The following MARK3 variants were observed in gnomAD, a reference collection of about 807,000 sequenced individuals.
The protein encoded by MARK3 is microtubule affinity regulating kinase 3.
MARK3 carries 46 observed loss-of-function variants against 90.1 expected under a neutral mutation model. That is an observed-to-expected ratio of 0.51 (90% confidence interval 0.40 to 0.65). The LOEUF (loss-of-function observed/expected upper bound fraction) is 0.65. MARK3 is among the 30% of genes least tolerant of loss of function. The probability of loss-of-function intolerance (pLI) is 0.00; values close to 1 mark genes in which losing one functional copy is unlikely to be tolerated. For missense variants in MARK3, 818 were observed against 947.2 expected, an observed-to-expected ratio of 0.86 and a Z score of 1.79; for synonymous variants, 321 against 332.6, an observed-to-expected ratio of 0.97 and a Z score of 0.38.
chr14:103,447,986 T>G (rs980480099), intron 3 of MARK3, among the ~76,000 whole-genome samples: 1 of 152,214 alleles, frequency 6.6e-6, no homozygotes, highest in African/African-American at 2.4e-5. Flanking sequence ...TTGCCCAGGC[T>G]GGTCTCGACC....
intron 3 of MARK3, among the ~76,000 whole-genome samples, chr14:103,443,408 TA>T (rs2092911942): frequency 6.6e-6 from 1 of 152,240 alleles, no homozygotes; most frequent in African/African-American, 2.4e-5. Context: ...CAGTTTCACT[TA>T]TAATATCCAT....
At chr14:103,495,854 T>C (rs572517822) in intron 15 of MARK3, among the ~76,000 whole-genome samples, 2 of 152,362 alleles carry the variant, frequency 1.3e-5, no homozygotes, top group Admixed American at 1.3e-4. Context: ...GTTCTTATCC[T>C]CCTTTAGCAA....
At chr14:103,405,324 A>G (rs1004642954) in intron 2 of MARK3, 57 bp downstream of exon 2, 9 of 1,322,076 alleles carry the variant, frequency 6.8e-6, no homozygotes, top group Non-Finnish European at 9.2e-6. Flanking sequence ...ATTTCCATGT[A>G]AGAGAAAGAA....
chr14:103,422,529 A>G (rs1253125935), intron 2 of MARK3, among the ~76,000 whole-genome samples: 1 of 152,178 alleles, frequency 6.6e-6, no homozygotes, highest in Non-Finnish European at 1.5e-5. Flanking sequence ...ATGAATTATC[A>G]CAAAGTAAAC....
At chr14:103,456,243 C>A (rs1051344237) in intron 5 of MARK3, among the ~76,000 whole-genome samples, 3 of 152,142 alleles carry the variant, frequency 2.0e-5, no homozygotes, top group Non-Finnish European at 4.4e-5. Flanking sequence ...GTACTGATCT[C>A]CCTCTTGGTC....
intron 2 of MARK3, among the ~76,000 whole-genome samples, chr14:103,421,531 C>T (rs7158822): frequency 0.33 from 50,908 of 152,024 alleles, 8,855 homozygotes; most frequent in Middle Eastern, 0.45. Flanking sequence ...AAAGGGGTGA[C>T]GAGTGCCTGG....
chr14:103,480,417 C>T lies in MARK3; in HGVS notation c.1513C>T (p.Arg505Ter), dbSNP rs749410440. Residue 505 changes from arginine (R) to a stop codon, truncating the protein, a stop_gained, in exon 14 of 18, where the codon CGA becomes TGA. Coordinates refer to ENST00000429436, the MANE Select transcript of MARK3 (RefSeq NM_001128918.3). LOFTEE classifies it high-confidence loss of function. ...SNTASGGMTR[R>*]NTYVCSERTT... The stretch of plus-strand genomic sequence containing the variant: ...CACAGCATCTGGTGGAATGACACGA[C>T]GAAATACTTATGTTTGCAGTGAGAG... 12 of 1,612,804 alleles carry T rather than the reference C, an allele frequency of 7.4e-6. No individual in the cohort carries two copies. Among genetic ancestry groups the T allele is most frequent in the African/African-American group, 5.3e-5 (4 of 74,830 alleles).
chr14:103,466,084 C>T lies in MARK3; in HGVS notation c.890C>T (p.Thr297Ile), dbSNP rs1162293605. 2 of 1,613,406 alleles carry T rather than the reference C, an allele frequency of 1.2e-6. No individual in the cohort carries two copies. The highest frequency in any genetic ancestry group is 1.3e-5 in the African/African-American group (1 of 74,864). Reference sequence around the variant, plus strand: ...GTGCTAAATCCAATTAAACGCGGCACTCTAGAGGTAATCATGTAGGTGGAA... The same window carrying T: ...GTGCTAAATCCAATTAAACGCGGCATTCTAGAGGTAATCATGTAGGTGGAA... ...FLVLNPIKRGTLEQIMKDRWI... is the reference protein window; with the variant it reads ...FLVLNPIKRGILEQIMKDRWI... The change falls in exon 9 of 18, where the codon ACT becomes ATT. Residue 297 changes from threonine (T) to isoleucine (I), a missense_variant. Around this residue, in one of 3 missense-constraint regions of MARK3, gnomAD observed 560 missense variants for 613.5 expected, o/e 0.91. Coordinates refer to ENST00000429436, the MANE Select transcript of MARK3 (RefSeq NM_001128918.3).
At chr14:103,438,070 G>A (rs2092758773) in intron 3 of MARK3, among the ~76,000 whole-genome samples, 1 of 151,976 alleles carries the variant, frequency 6.6e-6, no homozygotes, top group South Asian at 2.1e-4. Context: ...GCGTGATCTC[G>A]GCTAACCGCA....
At chr14:103,502,587 C>A (rs370625468) in intron 17 of MARK3, among the ~76,000 whole-genome samples, 71 of 152,316 alleles carry the variant, frequency 4.7e-4, no homozygotes, top group Non-Finnish European at 9.0e-4. Context: ...GTCCTTTTTG[C>A]CTGATTTCCA....
chr14:103,442,065 T>A (rs572563226), intron 3 of MARK3, among the ~76,000 whole-genome samples: 14 of 152,092 alleles, frequency 9.2e-5, no homozygotes, highest in African/African-American at 3.4e-4. Flanking sequence ...AAGGTACATA[T>A]CTTAATATAC....
chr14:103,466,148 G>A lies in MARK3; in HGVS notation c.897+57G>A. 2.5e-6 allele frequency: 4 copies of A among 1,585,720 alleles called. No homozygotes were observed. In the South Asian group the frequency reaches 3.4e-5, roughly 14 times the overall value. Reference sequence around the variant, plus strand: ...TTGGAGAGTCTTTAGAGTGACCTTAGATCTTTGCTTGATTTGTATGCCATA... The same window carrying A: ...TTGGAGAGTCTTTAGAGTGACCTTAAATCTTTGCTTGATTTGTATGCCATA... On this transcript the variant is annotated intron_variant, in intron 9 of 17. Coordinates refer to ENST00000429436, the MANE Select transcript of MARK3 (RefSeq NM_001128918.3).
At chr14:103,455,614 G>A (rs1177563084) in intron 5 of MARK3, among the ~76,000 whole-genome samples, 1 of 151,726 alleles carries the variant, frequency 6.6e-6, no homozygotes, top group Non-Finnish European at 1.5e-5. Context: ...TGTAATCCCA[G>A]CTACTCAGGA....
rs2075771858 is a variant in MARK3, at chr14:103,503,292, A to G, written c.*65A>G. The G allele has an allele frequency of 2.3e-6, 3 of 1,301,232 alleles. No homozygotes were observed. Among genetic ancestry groups the G allele is most frequent in the Non-Finnish European group, 3.2e-6 (3 of 933,178 alleles). The allele number at this position is 1,301,232 out of a possible 1,614,324, so 80.6% of individuals were successfully genotyped here. A position where few individuals can be genotyped will look rare whatever the true frequency, so the allele number is the denominator to read the frequency against. On this transcript the variant is annotated 3_prime_UTR_variant, in exon 18 of 18. Transcript: ENST00000429436. The stretch of plus-strand genomic sequence containing the variant: ...TTTTCCTGAACACTGATGGAAATGT[A>G]TAGAATAATATTTAGGCAATAACGT...
intron 12 of MARK3, among the ~76,000 whole-genome samples, chr14:103,471,648 G>A (rs929841736): frequency 1.3e-5 from 2 of 152,094 alleles, no homozygotes; most frequent in Non-Finnish European, 2.9e-5. Flanking sequence ...CTGCATGGGT[G>A]CCTGCTTCTC....
At chr14:103,495,879 A>G (rs1057231242) in intron 15 of MARK3, among the ~76,000 whole-genome samples, 1 of 152,260 alleles carries the variant, frequency 6.6e-6, no homozygotes, top group African/African-American at 2.4e-5. Flanking sequence ...TGGTAGGATT[A>G]AAATTGCATT....
At chr14:103,396,641 G>A (rs1215225188) in intron 1 of MARK3, among the ~76,000 whole-genome samples, 1 of 152,122 alleles carries the variant, frequency 6.6e-6, no homozygotes, top group Admixed American at 6.5e-5. Flanking sequence ...CTAATGGTGG[G>A]TTGTTGTAGT....
At chr14:103,393,079 C>G (rs1323550396) in intron 1 of MARK3, among the ~76,000 whole-genome samples, 6 of 152,180 alleles carry the variant, frequency 3.9e-5, no homozygotes, top group African/African-American at 1.4e-4. Context: ...CGCCTCCTGG[C>G]TTCAAGCAAT....
chr14:103,500,213 A>G lies in MARK3; in HGVS notation c.1916+13A>G, dbSNP rs2075585746. 1.3e-6 allele frequency: 2 copies of G among 1,585,048 alleles called. No homozygotes were observed. Among genetic ancestry groups the G allele is most frequent in the Non-Finnish European group, 1.7e-6 (2 of 1,169,678 alleles). ...ATGAGGGCTCAAGGTGAGGGAAATGATTTTTACTTAAAATTTTTTTCAGGT... is the reference window on the plus strand; with the variant it reads ...ATGAGGGCTCAAGGTGAGGGAAATGGTTTTTACTTAAAATTTTTTTCAGGT... On this transcript the variant is annotated intron_variant, in intron 17 of 17. Coordinates refer to ENST00000429436, the MANE Select transcript of MARK3 (RefSeq NM_001128918.3).
Sources: gnomAD v4.1 joint callset for allele counts (sites outside exome capture counted in the v4.1 genomes callset) on GRCh38, gnomAD v4.1.1 for gene constraint, gnomAD v4.1.1 regional missense constraint, MANE v1.5 for transcripts, NCBI Gene and HGNC (gene_info 2026-07-23, HGNC 2026-07-21) for gene names.